The following BMP2K variants were observed in gnomAD, a reference collection of about 807,000 sequenced individuals.
BMP2K encodes BMP2 inducible kinase, also known as BMP-2-inducible protein kinase.
Under a neutral mutation model 116.0 loss-of-function variants are expected in BMP2K, and 74 were observed. The observed-to-expected ratio is 0.64, with a 90% confidence interval of 0.53 to 0.77. The LOEUF is 0.77. BMP2K is among the 30% of genes least tolerant of loss of function. The probability of loss-of-function intolerance (pLI) is 0.00; values close to 1 mark genes in which losing one functional copy is unlikely to be tolerated. For missense variants in BMP2K, 1,365 were observed against 1,403.6 expected (o/e 0.97, Z 0.44); for synonymous variants, 486 against 502.5 (o/e 0.97, Z 0.44).
intron 2 of BMP2K, among the ~76,000 whole-genome samples, chr4:78,828,984 C>T (rs1730018525): frequency 6.6e-6 from 1 of 152,132 alleles, no homozygotes; most frequent in South Asian, 2.1e-4. Context: ...AAAAATCAGA[C>T]CTTGGCGATG....
rs187653776 is a variant in BMP2K, at chr4:78,868,036, G to T, written c.1231+2316G>T. 2.6e-3 allele frequency among the ~76,000 whole-genome samples: 392 copies of T among 152,230 alleles called. 1 individual carries two copies. Among genetic ancestry groups the T allele is most frequent in the Non-Finnish European group, 4.4e-3 (301 of 68,028 alleles). ...GATCATGCCACTGCACTCCAGGCTG[G>T]GCAACAGAGCAAGACTCTGTCTCAA... is the stretch of plus-strand genomic sequence containing the variant. On this transcript the variant is annotated intron_variant, in intron 10 of 15. Coordinates refer to ENST00000502613, the MANE Select transcript of BMP2K (RefSeq NM_198892.2).
intron 1 of BMP2K, among the ~76,000 whole-genome samples, chr4:78,821,216 T>C (rs1176329986): frequency 1.3e-5 from 2 of 152,248 alleles, no homozygotes; most frequent in Non-Finnish European, 2.9e-5. Context: ...TTATGTCTGT[T>C]CTTTTTAAAG....
intron 1 of BMP2K, among the ~76,000 whole-genome samples, chr4:78,778,226 C>T (rs1426183726): frequency 6.6e-6 from 1 of 152,150 alleles, no homozygotes; most frequent in South Asian, 2.1e-4. Flanking sequence ...AAAAAAAATA[C>T]TGACATTTCA....
At chr4:78,808,507 C>G (rs1315385632) in intron 1 of BMP2K, among the ~76,000 whole-genome samples, 1 of 152,024 alleles carries the variant, frequency 6.6e-6, no homozygotes, top group Non-Finnish European at 1.5e-5. Flanking sequence ...ACCTTGTGAT[C>G]CGTCCGCCTC....
chr4:78,836,363 G>A (rs1730478099), intron 3 of BMP2K, among the ~76,000 whole-genome samples: 1 of 151,812 alleles, frequency 6.6e-6, no homozygotes. Flanking sequence ...GTTGCAGTGA[G>A]CCAAGATCGC....
At chr4:78,885,024 C>A (rs1733012111) in intron 14 of BMP2K, among the ~76,000 whole-genome samples, 1 of 151,924 alleles carries the variant, frequency 6.6e-6, no homozygotes, top group South Asian at 2.1e-4. Flanking sequence ...AAAATAATAC[C>A]CAAAATGAAT....
intron 6 of BMP2K, among the ~76,000 whole-genome samples, chr4:78,848,103 C>A (rs1469778045): frequency 6.6e-6 from 1 of 151,382 alleles, no homozygotes; most frequent in Non-Finnish European, 1.5e-5. Flanking sequence ...TGGCCTCCTC[C>A]CTTTTAGGGT....
At chr4:78,844,317 A>G (rs1354182282) in intron 4 of BMP2K, among the ~76,000 whole-genome samples, 1 of 151,780 alleles carries the variant, frequency 6.6e-6, no homozygotes, top group Non-Finnish European at 1.5e-5. Flanking sequence ...CTCTGAACCC[A>G]TATTTTACTG....
chr4:78,779,080 G>A lies in BMP2K; in HGVS notation c.178+2359G>A, dbSNP rs539847799. 9.9e-5 allele frequency among the ~76,000 whole-genome samples: 15 copies of A among 151,664 alleles called. No homozygotes were observed. In the East Asian group the frequency reaches 2.7e-3, roughly 27 times the overall value. On this transcript the variant is annotated intron_variant, in intron 1 of 15. Transcript: ENST00000502613. Reference sequence around the variant, plus strand: ...CAGTGTCTTTTTAATAAATCCGTCCGTCTCTCTGTTGTTATTTTTATATAA... The same window carrying A: ...CAGTGTCTTTTTAATAAATCCGTCCATCTCTCTGTTGTTATTTTTATATAA...
chr4:78,777,955 T>C (rs1226627199), intron 1 of BMP2K, among the ~76,000 whole-genome samples: 4 of 152,196 alleles, frequency 2.6e-5, no homozygotes, highest in Non-Finnish European at 5.9e-5. Flanking sequence ...AGAAGGAGGA[T>C]CCTTAGTTTT....
chr4:78,912,326 C>G lies in BMP2K; in HGVS notation c.*293C>G, dbSNP rs555722717. On this transcript the variant is annotated 3_prime_UTR_variant, in exon 16 of 16. Coordinates refer to ENST00000502613, the MANE Select transcript of BMP2K (RefSeq NM_198892.2). The stretch of plus-strand genomic sequence containing the variant: ...TACTTCCAGTGAAAGCACATGGCAC[C>G]TTTCTAGGTGTGTAGCCACTGAGAA... 3 of 316,780 alleles carry G rather than the reference C, an allele frequency of 9.5e-6. No individual in the cohort carries two copies. Among genetic ancestry groups the G allele is most frequent in the Admixed American group, 9.0e-5 (2 of 22,126 alleles). 19.6% of individuals were successfully genotyped at this position (316,780 alleles called of 1,614,324 possible).
chr4:78,790,674 A>G (rs1481498627), intron 1 of BMP2K, among the ~76,000 whole-genome samples: 1 of 152,180 alleles, frequency 6.6e-6, no homozygotes, highest in Non-Finnish European at 1.5e-5. Context: ...CATCATTATC[A>G]AGAAGAATTC....
At chr4:78,806,078 T>C (rs565842683) in intron 1 of BMP2K, among the ~76,000 whole-genome samples, 4 of 152,172 alleles carry the variant, frequency 2.6e-5, no homozygotes, top group Non-Finnish European at 5.9e-5. Flanking sequence ...TACAAATTGC[T>C]TTTTAACTAA....
chr4:78,799,141 C>G (rs1168934243), intron 1 of BMP2K, among the ~76,000 whole-genome samples: 1 of 152,098 alleles, frequency 6.6e-6, no homozygotes, highest in Non-Finnish European at 1.5e-5. Context: ...CCCTTAGAAG[C>G]CAATTTACAT....
At chr4:78,855,985 T>A (rs1254145440) in intron 7 of BMP2K, among the ~76,000 whole-genome samples, 2 of 152,140 alleles carry the variant, frequency 1.3e-5, no homozygotes, top group East Asian at 1.9e-4. Flanking sequence ...TTAAACCTGA[T>A]CACGTAATAC....
At chr4:78,831,570 CTGTT>C (rs1013880345) in intron 2 of BMP2K, among the ~76,000 whole-genome samples, 8 of 152,202 alleles carry the variant, frequency 5.3e-5, no homozygotes, top group African/African-American at 1.9e-4. Context: ...TGTGCATTCA[CTGTT>C]TGTGTTTTTA....
At chr4:78,853,179 TC>T (rs1731340356) in intron 7 of BMP2K, among the ~76,000 whole-genome samples, 1 of 152,166 alleles carries the variant, frequency 6.6e-6, no homozygotes, top group Admixed American at 6.6e-5. Flanking sequence ...TCCATTTGCA[TC>T]CATTTTATAA....
intron 1 of BMP2K, among the ~76,000 whole-genome samples, chr4:78,811,806 A>AC (rs1410214939): frequency 6.6e-6 from 1 of 152,110 alleles, no homozygotes; most frequent in Non-Finnish European, 1.5e-5. Context: ...TAATTTGTTG[A>AC]CCCATCATGT....
Position 78,871,939 on chromosome 4 carries a change from T to C in BMP2K, c.1599T>C (p.Tyr533=). The change falls in exon 12 of 16, where the codon TAT becomes TAC. Residue 533 remains tyrosine (Y), a synonymous_variant. Transcript: ENST00000502613. ...VYQPQPSASQ[Y]PTMMPQYQQA... is the part of the protein sequence containing the mutation. Reference sequence around the variant, plus strand: ...AACCACAACCTTCTGCATCACAGTATCCTACAATGGTAACTTAAATAATTT... The same window carrying C: ...AACCACAACCTTCTGCATCACAGTACCCTACAATGGTAACTTAAATAATTT... 6.2e-7 allele frequency: 1 copy of C among 1,602,084 alleles called. No homozygotes were observed. The highest frequency in any genetic ancestry group is 8.5e-7 in the Non-Finnish European group (1 of 1,172,490).
Sources: gnomAD v4.1 joint callset for allele counts (sites outside exome capture counted in the v4.1 genomes callset) on GRCh38, gnomAD v4.1.1 for gene constraint, MANE v1.5 for transcripts, NCBI Gene and HGNC (gene_info 2026-07-23, HGNC 2026-07-21) for gene names.